The following BDNF variants were observed in gnomAD, a reference collection of about 807,000 sequenced individuals.
BDNF encodes brain derived neurotrophic factor.
In BDNF, 1 loss-of-function variant was observed where a neutral mutation model predicts 19.5. That is an observed-to-expected ratio of 0.05 (90% CI 0.02 to 0.24). BDNF has a LOEUF of 0.24. Among genes scored for constraint, BDNF ranks in the 10% least tolerant of loss-of-function variants. The pLI is 1.00. For synonymous variants in BDNF, 100 were observed against 121.6 expected, an observed-to-expected ratio of 0.82 and a Z score of 1.17; for missense variants, 195 against 317.6, an observed-to-expected ratio of 0.61 and a Z score of 2.93.
intron 1 of BDNF, among the ~76,000 whole-genome samples, chr11:27,716,074 C>A (rs1002866238): frequency 6.6e-6 from 1 of 152,148 alleles, no homozygotes; most frequent in Admixed American, 6.5e-5. Flanking sequence ...TCATCCTTCC[C>A]TCTCTGCACC....
chr11:27,708,825 C>CTTTTTT (rs67977614), intron 1 of BDNF, among the ~76,000 whole-genome samples: 7 of 112,432 alleles, frequency 6.2e-5, no homozygotes, highest in Non-Finnish European at 8.6e-5. Context: ...TAGAATTCCT[C>CTTTTTT]TTTTTTTTTT....
At chr11:27,686,173 C>A (rs796581516) in intron 1 of BDNF, among the ~76,000 whole-genome samples, 3 of 151,982 alleles carry the variant, frequency 2.0e-5, no homozygotes, top group South Asian at 2.1e-4. Context: ...CTCTTTTGAT[C>A]TTTGTTGGTT....
chr11:27,711,991 G>T (rs986495939), intron 1 of BDNF, among the ~76,000 whole-genome samples: 1 of 152,164 alleles, frequency 6.6e-6, no homozygotes, highest in Non-Finnish European at 1.5e-5. Flanking sequence ...AAAGATAAAC[G>T]TTAGAGTAAT....
At chr11:27,696,639 T>C (rs1361960631) in intron 1 of BDNF, 1 of 152,184 alleles carries the variant, frequency 6.6e-6, no homozygotes, top group African/African-American at 2.4e-5. Flanking sequence ...GTCCTTCAAT[T>C]AAGCAACAAT....
At chr11:27,716,053 G>A (rs369441364) in intron 1 of BDNF, among the ~76,000 whole-genome samples, 2 of 152,060 alleles carry the variant, frequency 1.3e-5, no homozygotes, top group South Asian at 4.2e-4. Context: ...TTAGAGGCAG[G>A]GTTAAAGAAT....
chr11:27,659,629 C>CTGTG (rs55917552), intron 1 of BDNF: 22,406 of 961,016 alleles, frequency 0.023, 361 homozygotes, highest in African/African-American at 0.12. Context: ...GATGTTCTCT[C>CTGTG]TGTGTGTGTG....
chr11:27,699,304 T>C, intron 1 of BDNF: 1 of 1,584,302 alleles, frequency 6.3e-7, no homozygotes, highest in Non-Finnish European at 8.7e-7. Flanking sequence ...CCCTAGTCTG[T>C]AATCTCCCCT....
chr11:27,658,464 T>A lies in BDNF; in HGVS notation c.101A>T (p.Tyr34Phe). Residue 34 changes from tyrosine (Y) to phenylalanine (F), a missense_variant, in exon 2 of 2, where the codon TAC becomes TTC. Coordinates refer to ENST00000356660, the MANE Select transcript of BDNF (RefSeq NM_001709.5). This position sits in a 1 kb window ranked among gnomAD's most constrained non-coding sequence, Gnocchi z 5.7. ...ANIRGQGGLAYPGVRTHGTLE... is the reference protein window; with the variant it reads ...ANIRGQGGLAFPGVRTHGTLE... Reference sequence around the variant, plus strand: ...AGTCCCATGGGTCCGCACACCTGGGTAGGCCAAGCCACCTTGTCCTCGGAT... The same window carrying A: ...AGTCCCATGGGTCCGCACACCTGGGAAGGCCAAGCCACCTTGTCCTCGGAT... 1 of 1,614,146 alleles carries A rather than the reference T, an allele frequency of 6.2e-7. No individual in the cohort carries two copies. The highest frequency in any genetic ancestry group is 8.5e-7 in the Non-Finnish European group (1 of 1,180,020).
At chr11:27,684,802 A>G (rs1425223915) in intron 1 of BDNF, among the ~76,000 whole-genome samples, 1 of 152,154 alleles carries the variant, frequency 6.6e-6, no homozygotes, top group Non-Finnish European at 1.5e-5. Context: ...TCAGTTTACC[A>G]GTTTTTTATT....
intron 1 of BDNF, among the ~76,000 whole-genome samples, chr11:27,673,740 A>T (rs1306574067): frequency 6.6e-6 from 1 of 152,208 alleles, no homozygotes; most frequent in Non-Finnish European, 1.5e-5. Context: ...TTATAGAAAG[A>T]GTATCTGTAC....
chr11:27,656,543 A>C lies in BDNF; in HGVS notation c.*1278T>G. On this transcript the variant is annotated 3_prime_UTR_variant, in exon 2 of 2. Coordinates refer to ENST00000356660, the MANE Select transcript of BDNF (RefSeq NM_001709.5). Reference sequence around the variant, plus strand: ...CCTCCACCTAGACCTTGGGATGGCCACTCAGAAATTCCTCCCGCACTGCCG... The same window carrying C: ...CCTCCACCTAGACCTTGGGATGGCCCCTCAGAAATTCCTCCCGCACTGCCG... The C allele has an allele frequency of 1.0e-6, 1 of 985,678 alleles. No individual in the cohort carries two copies. Among genetic ancestry groups the C allele is most frequent in the Non-Finnish European group, 1.2e-6 (1 of 829,870 alleles). The allele number at this position is 985,678 out of a possible 1,614,324, so 61.1% of individuals were successfully genotyped here.
chr11:27,660,771 C>CAAA (rs546450288), intron 1 of BDNF, among the ~76,000 whole-genome samples: 2 of 96,054 alleles, frequency 2.1e-5, no homozygotes, highest in Non-Finnish European at 4.6e-5. Flanking sequence ...AACTCCATCT[C>CAAA]AAAAAAAAAA....
At chr11:27,659,383 ACATGTT>A (rs1423215703) in intron 1 of BDNF, 1 of 1,000,210 alleles carries the variant, frequency 1.0e-6, no homozygotes, top group East Asian at 1.1e-4. Flanking sequence ...TCATTTTTTG[ACATGTT>A]CATTTTAATG....
At chr11:27,675,008 G>A (rs1414292827) in intron 1 of BDNF, 4 of 702,382 alleles carry the variant, frequency 5.7e-6, no homozygotes, top group African/African-American at 1.9e-5. Flanking sequence ...GGCCCAGAGA[G>A]TTTCGGTGGA....
At chr11:27,689,850 G>T in intron 1 of BDNF, among the ~76,000 whole-genome samples, 1 of 152,196 alleles carries the variant, frequency 6.6e-6, no homozygotes, top group South Asian at 2.1e-4. Context: ...CTATTTGTCT[G>T]TTTGTCCTGA....
intron 1 of BDNF, among the ~76,000 whole-genome samples, chr11:27,692,312 T>G (rs1323316258): frequency 1.3e-5 from 2 of 151,968 alleles, no homozygotes; most frequent in Non-Finnish European, 2.9e-5. Flanking sequence ...TCTAAAAGGG[T>G]TTCATTTCAG....
chr11:27,711,351 A>C (rs1472564574), intron 1 of BDNF, among the ~76,000 whole-genome samples: 1 of 152,234 alleles, frequency 6.6e-6, no homozygotes, highest in African/African-American at 2.4e-5. Flanking sequence ...CCATTTTATG[A>C]TTATGAAAAC....
chr11:27,689,455 GATT>G (rs1191893020), intron 1 of BDNF, among the ~76,000 whole-genome samples: 2 of 152,212 alleles, frequency 1.3e-5, no homozygotes, highest in Non-Finnish European at 2.9e-5. Context: ...ATTTGGACAA[GATT>G]ATTATTGAAG....
At position 27,657,793 on chromosome 11, in the gene BDNF, A is replaced by G. The variant is rs1564938676; in HGVS notation, c.*28T>C. The G allele has an allele frequency of 6.2e-7, 1 of 1,610,180 alleles. No individual in the cohort carries two copies. The highest frequency in any genetic ancestry group is 8.5e-7 in the Non-Finnish European group (1 of 1,176,578). On this transcript the variant is annotated 3_prime_UTR_variant, in exon 2 of 2. Transcript: ENST00000356660. This position sits in a 1 kb window ranked among gnomAD's most constrained non-coding sequence, Gnocchi z 5.0. Reference sequence around the variant, plus strand: ...ACAAATAGATAATTTTTGTCTCAATATAATCTAATCTATACAACATAAATC... The same window carrying G: ...ACAAATAGATAATTTTTGTCTCAATGTAATCTAATCTATACAACATAAATC...
Sources: allele counts gnomAD v4.1 joint callset (sites outside exome capture counted in the v4.1 genomes callset), GRCh38; gene constraint gnomAD v4.1.1; non-coding constraint Gnocchi (gnomAD v3.1); transcripts MANE v1.5; gene names NCBI Gene and HGNC (gene_info 2026-07-23, HGNC 2026-07-21).